The following TRHDE variants were observed in gnomAD, a reference collection of about 807,000 sequenced individuals.
The protein encoded by TRHDE is thyrotropin-releasing hormone-degrading ectoenzyme.
A neutral mutation model predicts 125.7 loss-of-function variants in TRHDE; 72 were observed. The ratio of observed to expected loss-of-function variants is 0.57; its 90% confidence interval spans 0.47 to 0.70. The LOEUF is 0.70. Ranked by LOEUF, TRHDE falls within the 30% of genes least tolerant of loss-of-function variation. TRHDE has a pLI of 0.00. For missense variants in TRHDE, 1,110 were observed against 1,327.1 expected, an observed-to-expected ratio of 0.84 and a Z score of 2.54; for synonymous variants, 509 against 509.1, an observed-to-expected ratio of 1.00 and a Z score of 0.00.
chr12:72,449,219 G>A (rs1875452176), intron 3 of TRHDE, among the ~76,000 whole-genome samples: 1 of 151,904 alleles, frequency 6.6e-6, no homozygotes, highest in African/African-American at 2.4e-5. Flanking sequence ...TTGAAATAGA[G>A]GTCTAACTAA....
rs1491361764 is a variant in TRHDE, at chr12:72,238,324, A to ACAT, written n.279+132572_279+132573insCAT. 8.7e-4 allele frequency among the ~76,000 whole-genome samples: 22 copies of ACAT among 25,372 alleles called. 4 individuals are homozygous for ACAT. In the South Asian group the frequency reaches 0.013, roughly 15 times the overall value. 16.6% of individuals were successfully genotyped at this position (25,372 alleles called of 152,430 possible). On this transcript the variant is annotated intron_variant and non_coding_transcript_variant, in intron 2 of 4. Coordinates refer to the TRHDE transcript ENST00000548156. ...TATATATATATATATATATATATAC[A>ACAT]TATATATATACACATTATATATATA...
intron 3 of TRHDE, among the ~76,000 whole-genome samples, chr12:72,431,178 GTTTAT>G (rs1874461922): frequency 2.0e-5 from 3 of 151,976 alleles, no homozygotes. Context: ...TTTTTGTTTA[GTTTAT>G]TTTAATAGTA....
chr12:72,126,274 C>T (rs1875711748), intron 2 of TRHDE, among the ~76,000 whole-genome samples: 1 of 152,104 alleles, frequency 6.6e-6, no homozygotes, highest in Non-Finnish European at 1.5e-5. Context: ...TAAAAATGGC[C>T]TTACTGCCCA....
intron 1 of TRHDE, among the ~76,000 whole-genome samples, chr12:72,099,364 T>C (rs1875013540): frequency 6.6e-6 from 1 of 152,226 alleles, no homozygotes; most frequent in South Asian, 2.1e-4. Context: ...ATTTTTAGAA[T>C]ACTTGTTATA....
rs187174017 is a variant in TRHDE at position 72,353,673 on chromosome 12, G to A, written c.1189-24322G>A. Among the ~76,000 whole-genome samples, 286 of 151,300 alleles carry A rather than the reference G, an allele frequency of 1.9e-3. 1 individual carries two copies. The highest frequency in any genetic ancestry group is 3.4e-3 in the Middle Eastern group (1 of 294). ...GGAAATCTGTTTTAGAACCACTTAC[G>A]TGTATATGGATACTCATCTCACTAA... is the stretch of plus-strand genomic sequence containing the variant. On this transcript the variant is annotated intron_variant, in intron 2 of 18. Coordinates refer to ENST00000261180, the MANE Select transcript of TRHDE (RefSeq NM_013381.3).
chr12:72,656,839 C>A (rs1874725441), intron 17 of TRHDE, 88 bp from the exon 18 acceptor site: 6 of 895,762 alleles, frequency 6.7e-6, no homozygotes, highest in Middle Eastern at 2.9e-4. Flanking sequence ...GCAAATCGAA[C>A]CCTTGAGAAA....
chr12:72,504,829 C>T (rs1330268707), intron 6 of TRHDE, among the ~76,000 whole-genome samples: 3 of 152,196 alleles, frequency 2.0e-5, no homozygotes, highest in African/African-American at 7.2e-5. Flanking sequence ...CTTGCCACTG[C>T]TCTTCTGTGT....
At chr12:72,344,225 C>T (rs921343088) in intron 2 of TRHDE, among the ~76,000 whole-genome samples, 7 of 151,974 alleles carry the variant, frequency 4.6e-5, no homozygotes, top group African/African-American at 1.7e-4. Context: ...CCTCAGTTTC[C>T]ACATTTCTGA....
chr12:72,507,741 A>G (rs904102636), intron 6 of TRHDE, among the ~76,000 whole-genome samples: 2 of 152,238 alleles, frequency 1.3e-5, no homozygotes, highest in African/African-American at 2.4e-5. Context: ...CTGAATGTCA[A>G]TAGCCAAGAC....
intron 6 of TRHDE, among the ~76,000 whole-genome samples, chr12:72,504,373 A>G (rs926677019): frequency 6.7e-6 from 1 of 149,768 alleles, no homozygotes; most frequent in Non-Finnish European, 1.5e-5. Context: ...GCATGATCTC[A>G]GCTCACTGTA....
intron 3 of TRHDE, among the ~76,000 whole-genome samples, chr12:72,392,113 A>G (rs1872632612): frequency 6.6e-6 from 1 of 152,138 alleles, no homozygotes; most frequent in African/African-American, 2.4e-5. Flanking sequence ...CATCACCAGA[A>G]CTTGATCATG....
Position 72,499,478 on chromosome 12 carries a change from C to A in TRHDE, c.1585-20C>A. 1 of 1,611,824 alleles carries A rather than the reference C, an allele frequency of 6.2e-7. No individual in the cohort carries two copies. Reference sequence around the variant, plus strand: ...TAACTATGAATCACCTATGATATTGCCCCGTCTGCTGTATTGCAGGAAAAG... The same window carrying A: ...TAACTATGAATCACCTATGATATTGACCCGTCTGCTGTATTGCAGGAAAAG... On this transcript the variant is annotated intron_variant, in intron 5 of 18. Transcript: ENST00000261180.
At chr12:72,205,441 T>G (rs1369380872) in intron 2 of TRHDE, among the ~76,000 whole-genome samples, 1 of 152,150 alleles carries the variant, frequency 6.6e-6, no homozygotes, top group African/African-American at 2.4e-5. Context: ...TGTACATCAT[T>G]GTACAGCAGA....
chr12:72,658,309 T>C (rs543138690), intron 18 of TRHDE, among the ~76,000 whole-genome samples: 2 of 152,364 alleles, frequency 1.3e-5, no homozygotes, highest in African/African-American at 4.8e-5. Context: ...AATGAAGTAC[T>C]TTTAATTTCA....
chr12:72,238,371 A>C (rs1430333100), intron 2 of TRHDE, among the ~76,000 whole-genome samples: 1 of 83,764 alleles, frequency 1.2e-5, no homozygotes, highest in African/African-American at 4.3e-5. Flanking sequence ...ATACACATAC[A>C]TATATATATA....
At chr12:72,427,895 G>T (rs779068489) in intron 3 of TRHDE, among the ~76,000 whole-genome samples, 5 of 152,106 alleles carry the variant, frequency 3.3e-5, no homozygotes, top group Non-Finnish European at 1.5e-5. Context: ...TGCCAGATTG[G>T]CTGTGTCAGA....
intron 2 of TRHDE, among the ~76,000 whole-genome samples, chr12:72,185,603 G>T (rs1257518159): frequency 6.6e-6 from 1 of 151,576 alleles, no homozygotes; most frequent in Admixed American, 6.6e-5. Context: ...GTTTGTGAGT[G>T]CACCAATCTA....
intron 3 of TRHDE, among the ~76,000 whole-genome samples, chr12:72,426,384 A>T (rs1448459798): frequency 1.3e-5 from 2 of 152,158 alleles, no homozygotes; most frequent in Admixed American, 1.3e-4. Flanking sequence ...AACTCCTAAG[A>T]AAAACACTTT....
chr12:72,355,304 A>G (rs534514127), intron 2 of TRHDE, among the ~76,000 whole-genome samples: 8 of 151,688 alleles, frequency 5.3e-5, no homozygotes, highest in Non-Finnish European at 1.0e-4. Flanking sequence ...TTGTAGTTAG[A>G]GAAGGTGTTC....
Sources: allele counts gnomAD v4.1 joint callset (sites outside exome capture counted in the v4.1 genomes callset), GRCh38; gene constraint gnomAD v4.1.1; transcripts MANE v1.5; gene names NCBI Gene and HGNC (gene_info 2026-07-23, HGNC 2026-07-21).